The following RBM28 variants were observed in gnomAD, a reference collection of about 807,000 sequenced individuals.
The protein encoded by RBM28 is RNA-binding protein 28.
A neutral mutation model predicts 98.3 loss-of-function variants in RBM28; 78 were observed. That is an observed-to-expected ratio of 0.79 (90% CI 0.66 to 0.96). The LOEUF (loss-of-function observed/expected upper bound fraction) is 0.96. Ranked by LOEUF, RBM28 falls within the 40% of genes least tolerant of loss-of-function variation. The pLI, the probability that RBM28 is intolerant of heterozygous loss-of-function variation, is 0.00. For missense variants in RBM28, 838 were observed against 913.0 expected (o/e 0.92, Z 1.06); for synonymous variants, 306 against 330.9 (o/e 0.92, Z 0.82).
At chr7:128,323,388 G>A in intron 13 of RBM28, 139 bp downstream of exon 13, 2 of 950,420 alleles carry the variant, frequency 2.1e-6, no homozygotes, top group Non-Finnish European at 3.4e-6. Flanking sequence ...TCACCTATGT[G>A]CTTTTCTCCC....
chr7:128,314,454 A>G (rs1469054784), intron 17 of RBM28, among the ~76,000 whole-genome samples: 1 of 152,224 alleles, frequency 6.6e-6, no homozygotes, highest in African/African-American at 2.4e-5. Context: ...GCTGTCCCAA[A>G]CAGAAACTAC....
chr7:128,332,914 C>A (rs1168386742), intron 9 of RBM28, among the ~76,000 whole-genome samples: 7 of 152,184 alleles, frequency 4.6e-5, no homozygotes, highest in African/African-American at 1.7e-4. Context: ...CTGGACACTG[C>A]ATCAGAAGAT....
chr7:128,313,822 CT>C (rs1796043270), intron 17 of RBM28, among the ~76,000 whole-genome samples: 2 of 152,192 alleles, frequency 1.3e-5, no homozygotes, highest in Admixed American at 6.5e-5. Context: ...ACACTCCCCC[CT>C]GCTCCTGGCC....
intron 14 of RBM28, among the ~76,000 whole-genome samples, chr7:128,318,751 GATAC>G (rs376719754): frequency 6.6e-6 from 1 of 152,238 alleles, no homozygotes; most frequent in African/African-American, 2.4e-5. Context: ...AACTGTTTGC[GATAC>G]ATACAAATTG....
intron 14 of RBM28, among the ~76,000 whole-genome samples, chr7:128,320,033 A>G (rs1796188475): frequency 6.6e-6 from 1 of 152,088 alleles, no homozygotes; most frequent in African/African-American, 2.4e-5. Context: ...TCTTGGCAAC[A>G]TGGTGAAACC....
At position 128,298,546 on chromosome 7, in the gene RBM28, C is replaced by T. The variant is rs1323341296; in HGVS notation, c.*12251G>A. 6.9e-6 allele frequency: 1 copy of T among 144,160 alleles called. No homozygotes were observed. The highest frequency in any genetic ancestry group is 2.1e-4 in the East Asian group (1 of 4,756). The allele number at this position is 144,160 out of a possible 1,614,324, so 8.9% of individuals were successfully genotyped here. On this transcript the variant is annotated 3_prime_UTR_variant, in exon 19 of 19. Transcript: ENST00000223073. ...ACTGAGCATATATTATTTTTACAAT[C>T]AGAAAAAAATGAACGGATTTATTTT...
intron 2 of RBM28, 149 bp from the exon 3 acceptor site, chr7:128,339,470 A>G (rs1796675021): frequency 8.4e-7 from 1 of 1,183,712 alleles, no homozygotes; most frequent in Admixed American, 2.2e-5. Flanking sequence ...ATTTTTCCAA[A>G]GAACTAAAAT....
At position 128,314,831 on chromosome 7, in the gene RBM28, C is replaced by A. The variant is rs1285378387; in HGVS notation, c.1978G>T (p.Glu660Ter). ...FQTKAEVEQV[E>*]LPDGKKRRKV... ...CTTCTCTTCTTTCCATCAGGCAGCTCCACCTGCTCCACTTCAGCCTTGGTC... is the reference window on the plus strand; with the variant it reads ...CTTCTCTTCTTTCCATCAGGCAGCTACACCTGCTCCACTTCAGCCTTGGTC... The change falls in exon 17 of 19, where the codon GAG becomes TAG. Residue 660 changes from glutamate to a stop codon, truncating the protein, a stop_gained. Coordinates refer to ENST00000223073, the MANE Select transcript of RBM28 (RefSeq NM_018077.3). LOFTEE classifies it high-confidence loss of function. 1.2e-6 allele frequency: 2 copies of A among 1,614,158 alleles called. No homozygotes were observed. Among genetic ancestry groups the A allele is most frequent in the Non-Finnish European group, 1.7e-6 (2 of 1,180,016 alleles).
rs375725605 is a variant in RBM28, at chr7:128,322,392, T to C, written c.1405-968A>G. 1.9e-4 allele frequency among the ~76,000 whole-genome samples: 29 copies of C among 152,178 alleles called. No individual in the cohort carries two copies. In the East Asian group the frequency reaches 4.1e-3, roughly 21 times the overall value. ...CCCAATTAGTTTTTTTTAAACCAAG[T>C]TGGTAGAAAAAAGTTTTCAATTAAA... is the stretch of plus-strand genomic sequence containing the variant. On this transcript the variant is annotated intron_variant, in intron 13 of 18. Transcript: ENST00000223073.
chr7:128,338,905 CTTT>C, intron 3 of RBM28, 104 bp from the exon 4 acceptor site: 1 of 906,726 alleles, frequency 1.1e-6, no homozygotes, highest in South Asian at 1.4e-5. Context: ...TGAATGTTTA[CTTT>C]TTTTTATTTT....
At position 128,330,927 on chromosome 7, in the gene RBM28, T is replaced by G. The variant is rs776044626; in HGVS notation, c.1021A>C (p.Asn341His). ...TCTTCTTCTGAGTCAAAGGACAGAT[T>G]TCTATGGAAGATAACCAGATGATCA... ...VNEGKTVFIR[N>H]LSFDSEEEEL... The change falls in exon 10 of 19, where the codon AAT becomes CAT. Residue 341 changes from asparagine (N) to histidine (H), a missense_variant and splice_region_variant. Physicochemically the swap from Asn to His is moderately conservative, Grantham distance 68. Coordinates refer to ENST00000223073, the MANE Select transcript of RBM28 (RefSeq NM_018077.3). 6.2e-7 allele frequency: 1 copy of G among 1,605,622 alleles called. No individual in the cohort carries two copies. Among genetic ancestry groups the G allele is most frequent in the Non-Finnish European group, 8.5e-7 (1 of 1,172,422 alleles).
chr7:128,330,900 C>G lies in RBM28; in HGVS notation c.1048G>C (p.Glu350Gln). ...RNLSFDSEEE[E>Q]LGELLQQFGE... is the part of the protein sequence containing the mutation. ...AACTGTTGGAGAAGCTCCCCAAGTT[C>G]TTCTTCTTCTGAGTCAAAGGACAGA... The change falls in exon 10 of 19, where the codon GAA becomes CAA. Residue 350 changes from glutamate (E) to glutamine (Q), a missense_variant. By Grantham distance (29) the Glu-to-Gln change is conservative (BLOSUM62 2). Coordinates refer to ENST00000223073, the MANE Select transcript of RBM28 (RefSeq NM_018077.3). The G allele has an allele frequency of 2.5e-6, 4 of 1,613,054 alleles. No homozygotes were observed. Among genetic ancestry groups the G allele is most frequent in the Non-Finnish European group, 3.4e-6 (4 of 1,179,050 alleles).
chr7:128,331,935 T>C (rs1305609752), intron 9 of RBM28, among the ~76,000 whole-genome samples: 1 of 152,196 alleles, frequency 6.6e-6, no homozygotes, highest in Non-Finnish European at 1.5e-5. Context: ...ATATCCTAGC[T>C]ACATTATTTC....
chr7:128,314,982 C>A lies in RBM28; in HGVS notation c.1827G>T (p.Gln609His). The A allele has an allele frequency of 2.5e-6, 4 of 1,614,188 alleles. No homozygotes were observed. Among genetic ancestry groups the A allele is most frequent in the Non-Finnish European group, 1.7e-6 (2 of 1,180,030 alleles). The part of the protein sequence containing the change: ...MRSKPATGEP[Q>H]KGQPEPAKDQ... The stretch of plus-strand genomic sequence containing the variant: ...CTTTTGCAGGCTCTGGTTGCCCCTT[C>A]TGAGGCTCACCAGTTGCAGGCTTGG... The change falls in exon 17 of 19, where the codon CAG becomes CAT. Residue 609 changes from glutamine to histidine, a missense_variant. Coordinates refer to ENST00000223073, the MANE Select transcript of RBM28 (RefSeq NM_018077.3).
rs1191115328 is a variant in RBM28 at position 128,305,389 on chromosome 7, GCAGAC to G, written c.*5403_*5407del. Reference sequence around the variant, plus strand: ...AGTCTCTTTCAGTTGAAAAGTGCATGCAGACAATTGAGTGTCAGATCCAGGGGAGA... The same window carrying G: ...AGTCTCTTTCAGTTGAAAAGTGCATGAATTGAGTGTCAGATCCAGGGGAGA... On this transcript the variant is annotated 3_prime_UTR_variant, in exon 19 of 19. Coordinates refer to ENST00000223073, the MANE Select transcript of RBM28 (RefSeq NM_018077.3). 1 of 152,190 alleles carries G rather than the reference GCAGAC, an allele frequency of 6.6e-6. No individual in the cohort carries two copies. The highest frequency in any genetic ancestry group is 1.5e-5 in the Non-Finnish European group (1 of 68,068). 9.4% of individuals were successfully genotyped at this position (152,190 alleles called of 1,614,324 possible).
chr7:128,321,558 C>G, intron 13 of RBM28, 134 bp from the exon 14 acceptor site: 1 of 1,097,908 alleles, frequency 9.1e-7, no homozygotes, highest in South Asian at 1.3e-5. Context: ...ACTGCCCACA[C>G]CGCAGCTTTA....
At position 128,299,136 on chromosome 7, in the gene RBM28, C is replaced by G. The variant is rs895545778; in HGVS notation, c.*11661G>C. The stretch of plus-strand genomic sequence containing the variant: ...AGTTCCCAGGAGGAGAGGTGTGTCA[C>G]GCCTTGCAGGGCCACACAGGAAGAA... On this transcript the variant is annotated 3_prime_UTR_variant, in exon 19 of 19. Transcript: ENST00000223073. The G allele has an allele frequency of 6.6e-6, 1 of 152,142 alleles. No individual in the cohort carries two copies. The highest frequency in any genetic ancestry group is 1.5e-5 in the Non-Finnish European group (1 of 68,080). The allele number at this position is 152,142 out of a possible 1,614,324, so 9.4% of individuals were successfully genotyped here. A position where few individuals can be genotyped will look rare whatever the true frequency, so the allele number is the denominator to read the frequency against.
chr7:128,317,829 C>T (rs1796137609), intron 15 of RBM28, 96 bp from the exon 16 acceptor site: 1 of 1,518,114 alleles, frequency 6.6e-7, no homozygotes, highest in Non-Finnish European at 9.1e-7. Context: ...CCCCAACCCA[C>T]CTTTTTTTTG....
rs779123994 is a variant in RBM28, at chr7:128,313,205, C to T, written c.2115G>A (p.Lys705=). The part of the protein sequence containing the change: ...KKPKPQINQW[K]QEKQQLSSEQ... ...CGGACGATAATTGCTGCTTCTCCTG[C>T]TTCCACTGGTTTATCTGTGGCTTTG... Residue 705 remains lysine, a synonymous_variant, in exon 18 of 19, where the codon AAG becomes AAA. Coordinates refer to ENST00000223073, the MANE Select transcript of RBM28 (RefSeq NM_018077.3). 6 of 1,614,068 alleles carry T rather than the reference C, an allele frequency of 3.7e-6. No homozygotes were observed. The highest frequency in any genetic ancestry group is 5.1e-6 in the Non-Finnish European group (6 of 1,180,034).
Sources: allele counts gnomAD v4.1 joint callset (sites outside exome capture counted in the v4.1 genomes callset), GRCh38; gene constraint gnomAD v4.1.1; transcripts MANE v1.5; gene names NCBI Gene and HGNC (gene_info 2026-07-23, HGNC 2026-07-21).